CIMIP2C: variants seen among roughly 807,000 people sequenced by gnomAD.
CIMIP2C encodes the protein ciliary microtubule inner protein 2C.
the CIMIP2C span, among the ~76,000 whole-genome samples, chr2:26,577,360 A>G: frequency 2.0e-5 from 3 of 152,184 alleles, no homozygotes; most frequent in Non-Finnish European, 4.4e-5. Context: ...CTGGTTGGCA[A>G]TTGAGTTGGG....
the CIMIP2C span, among the ~76,000 whole-genome samples, chr2:26,564,759 C>T: frequency 6.6e-6 from 1 of 152,354 alleles, no homozygotes; most frequent in Non-Finnish European, 1.5e-5. Context: ...CTGACACTCA[C>T]ATCACCCTGC....
the CIMIP2C span, chr2:26,579,129 A>G: frequency 2.9e-5 from 20 of 689,044 alleles, no homozygotes; most frequent in Non-Finnish European, 4.6e-5. Flanking sequence ...ATGTAAATAC[A>G]GGTTATTCCC....
At chr2:26,562,684 C>T in the CIMIP2C span, 6 of 1,568,632 alleles carry the variant, frequency 3.8e-6, no homozygotes, top group East Asian at 4.8e-5. Flanking sequence ...GACTCATGCC[C>T]GGGTAAGGCC....
At chr2:26,575,524 G>A in the CIMIP2C span, among the ~76,000 whole-genome samples, 1 of 152,208 alleles carries the variant, frequency 6.6e-6, no homozygotes, top group African/African-American at 2.4e-5. Context: ...GGAGAGAGGA[G>A]CATCTAGGCA....
At chr2:26,575,514 G>A in the CIMIP2C span, among the ~76,000 whole-genome samples, 15 of 152,182 alleles carry the variant, frequency 9.9e-5, no homozygotes, top group Non-Finnish European at 2.2e-4. Flanking sequence ...CCCCTGGTCT[G>A]GAGAGAGGAG....
chr2:26,576,144 A>G, the CIMIP2C span: 9 of 1,613,958 alleles, frequency 5.6e-6, no homozygotes, highest in Non-Finnish European at 7.6e-6. Flanking sequence ...CTGGACAGCC[A>G]TCGCTCCACA....
At chr2:26,571,606 ACTCTGT>A in the CIMIP2C span, among the ~76,000 whole-genome samples, 1 of 151,956 alleles carries the variant, frequency 6.6e-6, no homozygotes, top group African/African-American at 2.4e-5. Flanking sequence ...ATGCCATCTG[ACTCTGT>A]TTTTAAAAAA....
the CIMIP2C span, among the ~76,000 whole-genome samples, chr2:26,566,384 G>T: frequency 1.4e-4 from 21 of 152,346 alleles, no homozygotes; most frequent in African/African-American, 5.0e-4. Flanking sequence ...CCACAAAGGT[G>T]GCTGTGTCCC....
the CIMIP2C span, chr2:26,577,669 G>A: frequency 6.2e-6 from 9 of 1,462,036 alleles, no homozygotes; most frequent in East Asian, 2.3e-5. Context: ...GTCAAGAAAC[G>A]CACCCATGGG....
chr2:26,565,787 T>G, the CIMIP2C span, among the ~76,000 whole-genome samples: 4 of 152,182 alleles, frequency 2.6e-5, no homozygotes, highest in African/African-American at 9.7e-5. Flanking sequence ...ATTAGTTAGA[T>G]CTCTACTGTG....
chr2:26,567,672 C>T, the CIMIP2C span, among the ~76,000 whole-genome samples: 1 of 152,216 alleles, frequency 6.6e-6, no homozygotes, highest in Non-Finnish European at 1.5e-5. Context: ...GCCCTCCAAA[C>T]AGGCCAGTGC....
At chr2:26,564,245 T>C in the CIMIP2C span, among the ~76,000 whole-genome samples, 33 of 152,340 alleles carry the variant, frequency 2.2e-4, no homozygotes, top group African/African-American at 7.2e-4. Flanking sequence ...CAGTCTCCAG[T>C]TGGAAAATTT....
chr2:26,572,184 C>T, the CIMIP2C span: 2 of 1,503,588 alleles, frequency 1.3e-6, no homozygotes, highest in African/African-American at 1.4e-5. Context: ...TCCACCCACC[C>T]CCCAATTTTG....
At chr2:26,568,554 G>A in the CIMIP2C span, among the ~76,000 whole-genome samples, 1 of 152,164 alleles carries the variant, frequency 6.6e-6, no homozygotes, top group Non-Finnish European at 1.5e-5. Flanking sequence ...CAGAAGAAAG[G>A]GCAACCCTTT....
At chr2:26,575,469 T>TG in the CIMIP2C span, among the ~76,000 whole-genome samples, 10 of 152,244 alleles carry the variant, frequency 6.6e-5, no homozygotes, top group South Asian at 2.1e-4. Context: ...CAGCATTGAC[T>TG]GGGGGGGTAT....
the CIMIP2C span, among the ~76,000 whole-genome samples, chr2:26,570,264 T>TG: frequency 5.9e-5 from 9 of 152,234 alleles, no homozygotes; most frequent in Admixed American, 5.9e-4. Flanking sequence ...CATTTTTCTA[T>TG]GGCTCCTTTC....
At chr2:26,576,284 G>A in the CIMIP2C span, 3 of 1,302,524 alleles carry the variant, frequency 2.3e-6, no homozygotes, top group Non-Finnish European at 3.1e-6. Context: ...CTGCCACAGT[G>A]TCTTGATTTC....
the CIMIP2C span, among the ~76,000 whole-genome samples, chr2:26,568,473 G>T: frequency 6.6e-6 from 1 of 152,208 alleles, no homozygotes; most frequent in Non-Finnish European, 1.5e-5. Flanking sequence ...AGGAACTGTG[G>T]AGCCCCCTAA....
the CIMIP2C span, among the ~76,000 whole-genome samples, chr2:26,570,381 C>T: frequency 6.6e-6 from 1 of 152,238 alleles, no homozygotes; most frequent in African/African-American, 2.4e-5. Flanking sequence ...CATGGTGCCC[C>T]CAGAGTTTCT....
Sources: allele counts gnomAD v4.1 joint callset (sites outside exome capture counted in the v4.1 genomes callset), GRCh38; gene constraint gnomAD v4.1.1; transcripts MANE v1.5; gene names NCBI Gene and HGNC (gene_info 2026-07-23, HGNC 2026-07-21).